The following ELMO1 variants were observed in gnomAD, a reference collection of about 807,000 sequenced individuals.
ELMO1 encodes the protein engulfment and cell motility protein 1.
A neutral mutation model predicts 98.9 loss-of-function variants in ELMO1; 26 were observed. That is an observed-to-expected ratio of 0.26 (90% CI 0.19 to 0.36). The LOEUF is 0.36. Among genes scored for constraint, ELMO1 ranks in the 10% least tolerant of loss-of-function variants. The pLI is 1.00. For synonymous variants in ELMO1, 346 were observed against 346.0 expected (o/e 1.00, Z 0.00); for missense variants, 627 against 935.2 (o/e 0.67, Z 4.30).
At chr7:37,409,232 C>T (rs1314502140) in intron 1 of ELMO1, among the ~76,000 whole-genome samples, 1 of 151,956 alleles carries the variant, frequency 6.6e-6, no homozygotes. Context: ...CTAATGCTGA[C>T]ATCTATTAAA....
At chr7:37,244,291 G>T in intron 7 of ELMO1, 65 bp downstream of exon 7, 1 of 1,526,126 alleles carries the variant, frequency 6.6e-7, no homozygotes, top group Admixed American at 1.9e-5. Flanking sequence ...CAGATGACAG[G>T]GCTCAATTAT....
chr7:37,311,016 T>C (rs1402972918), intron 4 of ELMO1, among the ~76,000 whole-genome samples: 7 of 149,964 alleles, frequency 4.7e-5, no homozygotes, highest in Admixed American at 6.6e-5. Flanking sequence ...CCTCTCTCTC[T>C]CTCCTGGACA....
chr7:36,906,983 T>G (rs1470547887), intron 16 of ELMO1, among the ~76,000 whole-genome samples: 1 of 152,204 alleles, frequency 6.6e-6, no homozygotes, highest in East Asian at 1.9e-4. Flanking sequence ...AATTATTTAT[T>G]CACTACTCGT....
At chr7:37,420,744 T>C (rs1804439493) in intron 1 of ELMO1, among the ~76,000 whole-genome samples, 1 of 152,218 alleles carries the variant, frequency 6.6e-6, no homozygotes, top group African/African-American at 2.4e-5. Flanking sequence ...ACTTCACTCT[T>C]ATTGTATTGT....
chr7:36,887,267 C>G (rs1422655187), intron 18 of ELMO1, among the ~76,000 whole-genome samples: 2 of 152,302 alleles, frequency 1.3e-5, no homozygotes, highest in Admixed American at 6.5e-5. Flanking sequence ...TCAGAAGCAC[C>G]TGGCACATGG....
intron 19 of ELMO1, among the ~76,000 whole-genome samples, chr7:36,874,869 T>C (rs2129042968): frequency 6.6e-6 from 1 of 152,264 alleles, no homozygotes; most frequent in Admixed American, 6.5e-5. Flanking sequence ...AAAGGCCAAA[T>C]TTCCTGACAA....
rs1404998479 is a variant in ELMO1 at position 37,298,282 on chromosome 7, TTTTTG to T, written c.192+16563_192+16567del. ...GTAGGTGGACAAGACTAGGAAGTTT[TTTTTG>T]TTTTTTTTTTTTAAGAGTTTTTTTT... On this transcript the variant is annotated intron_variant, in intron 4 of 21. Transcript: ENST00000310758. 4.5e-3 allele frequency among the ~76,000 whole-genome samples: 241 copies of T among 53,748 alleles called. 2 individuals carry two copies. Among genetic ancestry groups the T allele is most frequent in the South Asian group, 0.011 (23 of 2,038 alleles). 35.3% of individuals were successfully genotyped at this position (53,748 alleles called of 152,430 possible).
intron 13 of ELMO1, among the ~76,000 whole-genome samples, chr7:37,198,840 G>T (rs1487337725): frequency 1.3e-5 from 2 of 152,226 alleles, no homozygotes; most frequent in African/African-American, 4.8e-5. Context: ...ACAGCCAGGG[G>T]ACAGAGTTAT....
intron 1 of ELMO1, among the ~76,000 whole-genome samples, chr7:37,408,394 A>G (rs374912849): frequency 2.7e-4 from 41 of 152,210 alleles, no homozygotes; most frequent in African/African-American, 9.4e-4. Flanking sequence ...TTTCCAATGC[A>G]TTTCAACGAG....
intron 1 of ELMO1, among the ~76,000 whole-genome samples, chr7:37,350,325 G>C (rs896391758): frequency 3.9e-5 from 6 of 152,224 alleles, no homozygotes; most frequent in Admixed American, 1.3e-4. Context: ...CCATTTACTT[G>C]ACAGGTGGGG....
At chr7:37,292,721 C>A (rs1453385365) in intron 4 of ELMO1, among the ~76,000 whole-genome samples, 2 of 98,418 alleles carry the variant, frequency 2.0e-5, no homozygotes, top group African/African-American at 7.0e-5. Context: ...GCAGCCGCCC[C>A]GTCCGGGAGG....
chr7:37,294,356 A>T (rs1157811676), intron 4 of ELMO1, among the ~76,000 whole-genome samples: 1 of 61,038 alleles, frequency 1.6e-5, no homozygotes, highest in Non-Finnish European at 5.0e-5. Flanking sequence ...GAAGCCATTT[A>T]AAAAAAAAAA....
chr7:37,227,076 C>G (rs1021492053), intron 8 of ELMO1, among the ~76,000 whole-genome samples: 6 of 152,220 alleles, frequency 3.9e-5, no homozygotes, highest in Non-Finnish European at 8.8e-5. Context: ...CTCCTCTCTT[C>G]CCAATTATCA....
intron 2 of ELMO1, among the ~76,000 whole-genome samples, chr7:37,337,262 A>C (rs1166995715): frequency 6.6e-6 from 1 of 152,196 alleles, no homozygotes; most frequent in Non-Finnish European, 1.5e-5. Flanking sequence ...CATTCTCAGC[A>C]AACTATCGCA....
intron 15 of ELMO1, among the ~76,000 whole-genome samples, chr7:37,060,655 AAAT>A (rs1796620516): frequency 7.3e-6 from 1 of 136,448 alleles, no homozygotes; most frequent in Non-Finnish European, 1.5e-5. Context: ...GTCCAAAAAT[AAAT>A]AAATAAAAAA....
chr7:37,188,442 ACACACACAC>A (rs1357240262), intron 13 of ELMO1, among the ~76,000 whole-genome samples: 4 of 34,920 alleles, frequency 1.1e-4, no homozygotes, highest in East Asian at 1.1e-3. Context: ...ACACACACAC[ACACACACAC>A]GCAAACACAC....
intron 16 of ELMO1, among the ~76,000 whole-genome samples, chr7:36,973,883 G>C (rs1317719876): frequency 6.6e-6 from 1 of 152,252 alleles, no homozygotes; most frequent in East Asian, 1.9e-4. Context: ...TAGCACCCGG[G>C]CCAGCGGCTG....
intron 15 of ELMO1, among the ~76,000 whole-genome samples, chr7:37,028,400 T>C (rs68122465): frequency 0.13 from 19,976 of 152,182 alleles, 1,639 homozygotes; most frequent in African/African-American, 0.22. Flanking sequence ...ACTATCATAA[T>C]TTTTTGGACA....
chr7:36,982,620 C>A (rs1179383012), intron 16 of ELMO1, among the ~76,000 whole-genome samples: 2 of 152,202 alleles, frequency 1.3e-5, no homozygotes, highest in Non-Finnish European at 2.9e-5. Flanking sequence ...ACTAGGCAAG[C>A]ATAGCCAAGA....
Sources: allele counts gnomAD v4.1 joint callset (sites outside exome capture counted in the v4.1 genomes callset), GRCh38; gene constraint gnomAD v4.1.1; transcripts MANE v1.5; gene names NCBI Gene and HGNC (gene_info 2026-07-23, HGNC 2026-07-21).